TMEM108: variants seen among roughly 807,000 people sequenced by gnomAD.
TMEM108 encodes cancer/testis antigen 124.
Under a neutral mutation model 35.1 loss-of-function variants are expected in TMEM108, and 12 were observed. The ratio of observed to expected loss-of-function variants is 0.34; its 90% CI spans 0.22 to 0.55. The LOEUF (loss-of-function observed/expected upper bound fraction) is 0.55. Ranked by LOEUF, TMEM108 falls within the 20% of genes least tolerant of loss-of-function variation. TMEM108 has a pLI of 0.89. For missense variants in TMEM108, 680 were observed against 753.3 expected, an observed-to-expected ratio of 0.90 and a Z score of 1.14; for synonymous variants, 287 against 308.6, an observed-to-expected ratio of 0.93 and a Z score of 0.73.
intron 2 of TMEM108, among the ~76,000 whole-genome samples, chr3:133,184,353 T>G (rs913078500): frequency 6.6e-6 from 1 of 152,220 alleles, no homozygotes; most frequent in African/African-American, 2.4e-5. Context: ...AGACTTTTTC[T>G]TTTCGTATTG....
intron 2 of TMEM108, among the ~76,000 whole-genome samples, chr3:133,058,559 T>C (rs1479051509): frequency 6.6e-6 from 1 of 152,210 alleles, no homozygotes; most frequent in Non-Finnish European, 1.5e-5. Context: ...CTCCCGTGCC[T>C]ACAGGCCCTA....
At chr3:133,344,206 G>C (rs960592876) in intron 3 of TMEM108, among the ~76,000 whole-genome samples, 11 of 151,492 alleles carry the variant, frequency 7.3e-5, no homozygotes, top group African/African-American at 2.7e-4. Flanking sequence ...ATAAAAACTA[G>C]GATTAGAAAT....
chr3:133,177,927 C>A (rs2107798750), intron 2 of TMEM108, among the ~76,000 whole-genome samples: 2 of 152,174 alleles, frequency 1.3e-5, no homozygotes, highest in South Asian at 4.2e-4. Context: ...TCGTCTCAGC[C>A]CAAAATCTCC....
At chr3:133,337,168 T>C (rs1208954096) in intron 3 of TMEM108, among the ~76,000 whole-genome samples, 1 of 152,138 alleles carries the variant, frequency 6.6e-6, no homozygotes, top group African/African-American at 2.4e-5. Context: ...GGCTGACTTC[T>C]CCACCTGCTG....
At chr3:133,137,026 AGTT>A (rs1423317793) in intron 2 of TMEM108, among the ~76,000 whole-genome samples, 4 of 152,148 alleles carry the variant, frequency 2.6e-5, no homozygotes, top group Non-Finnish European at 4.4e-5. Context: ...GAGTTTTTGT[AGTT>A]GTTGTTGTTG....
intron 3 of TMEM108, among the ~76,000 whole-genome samples, chr3:133,274,320 G>A (rs931124308): frequency 6.6e-6 from 1 of 152,162 alleles, no homozygotes; most frequent in Non-Finnish European, 1.5e-5. Context: ...ACAGTATGTC[G>A]TGATTTAAAC....
intron 2 of TMEM108, among the ~76,000 whole-genome samples, chr3:133,191,731 C>G (rs1476374786): frequency 6.6e-6 from 1 of 152,116 alleles, no homozygotes; most frequent in Non-Finnish European, 1.5e-5. Context: ...TGGAAAGCTA[C>G]TGAATAATTT....
At chr3:133,096,874 C>A (rs1445872136) in intron 2 of TMEM108, among the ~76,000 whole-genome samples, 1 of 152,140 alleles carries the variant, frequency 6.6e-6, no homozygotes, top group Non-Finnish European at 1.5e-5. Context: ...ACAAATATGA[C>A]AGCCAAGGAA....
chr3:133,044,772 A>T (rs934363190), intron 1 of TMEM108, among the ~76,000 whole-genome samples: 3 of 152,146 alleles, frequency 2.0e-5, no homozygotes, highest in Non-Finnish European at 4.4e-5. Context: ...TGGATAACAT[A>T]GTGAGACTCC....
Position 133,243,466 on chromosome 3 carries a change from G to A in TMEM108, c.40+14115G>A, listed in dbSNP as rs147514045. On this transcript the variant is annotated intron_variant, in intron 3 of 5. Transcript: ENST00000321871. ...CTATACAAATTTCATAAGGAAAAAT[G>A]TTCATATTTCACACTAAAATTGGTC... Among the ~76,000 whole-genome samples the A allele has an allele frequency of 4.2e-3, 619 of 146,266 alleles. 7 individuals are homozygous for A. Among genetic ancestry groups the A allele is most frequent in the African/African-American group, 0.015 (577 of 39,382 alleles).
At chr3:133,217,436 T>C (rs144687477) in intron 2 of TMEM108, among the ~76,000 whole-genome samples, 259 of 152,228 alleles carry the variant, frequency 1.7e-3, no homozygotes, top group African/African-American at 5.8e-3. Context: ...TTTGATGTAA[T>C]CTGATTTGTT....
chr3:133,388,390 G>A (rs1429719358), intron 4 of TMEM108: 2 of 985,210 alleles, frequency 2.0e-6, no homozygotes, highest in East Asian at 1.1e-4. Flanking sequence ...CTAGAATAAG[G>A]AGGCGGCCTG....
chr3:133,392,872 C>G (rs1246179390), intron 5 of TMEM108, among the ~76,000 whole-genome samples: 2 of 152,238 alleles, frequency 1.3e-5, no homozygotes, highest in Non-Finnish European at 1.5e-5. Context: ...GGACTCCCCA[C>G]TACCATCTTG....
At chr3:133,140,885 A>T (rs910579408) in intron 2 of TMEM108, among the ~76,000 whole-genome samples, 93 of 152,240 alleles carry the variant, frequency 6.1e-4, no homozygotes, top group Admixed American at 1.9e-3. Flanking sequence ...GATTTAAAAA[A>T]TTTTAAAATA....
intron 2 of TMEM108, among the ~76,000 whole-genome samples, chr3:133,127,806 G>C (rs1358172409): frequency 6.6e-6 from 1 of 152,040 alleles, no homozygotes; most frequent in Non-Finnish European, 1.5e-5. Flanking sequence ...TTCCAGTTTA[G>C]TTCTTAATTA....
At chr3:133,368,469 G>T (rs1262391667) in intron 3 of TMEM108, among the ~76,000 whole-genome samples, 1 of 152,114 alleles carries the variant, frequency 6.6e-6, no homozygotes, top group Admixed American at 6.5e-5. Context: ...TTACCATGGC[G>T]GGAGCAATTG....
intron 2 of TMEM108, among the ~76,000 whole-genome samples, chr3:133,111,453 G>A (rs116150512): frequency 6.6e-6 from 1 of 151,976 alleles, no homozygotes; most frequent in Non-Finnish European, 1.5e-5. Flanking sequence ...TTTAATTAGA[G>A]TGTGAATTTT....
At chr3:133,208,986 A>C (rs1040512724) in intron 2 of TMEM108, among the ~76,000 whole-genome samples, 1 of 152,116 alleles carries the variant, frequency 6.6e-6, no homozygotes, top group Admixed American at 6.5e-5. Context: ...TTTTATTCTC[A>C]AAACTATCTT....
chr3:133,370,915 T>TGC (rs1553770107), intron 3 of TMEM108, among the ~76,000 whole-genome samples: 8 of 135,664 alleles, frequency 5.9e-5, no homozygotes, highest in African/African-American at 2.4e-4. Flanking sequence ...TGTGTGTGTG[T>TGC]GTGTGTGCCA....
Sources: allele counts gnomAD v4.1 joint callset (sites outside exome capture counted in the v4.1 genomes callset), GRCh38; gene constraint gnomAD v4.1.1; transcripts MANE v1.5; gene names NCBI Gene and HGNC (gene_info 2026-07-23, HGNC 2026-07-21).